Variants in SUMF1 observed in about 807,000 individuals in gnomAD.
SUMF1 encodes the protein formylglycine-generating enzyme.
In SUMF1, 48 loss-of-function variants were observed where a neutral mutation model predicts 47.6. That is an observed-to-expected ratio of 1.01 (90% CI 0.80 to 1.28). The LOEUF is 1.28. SUMF1 is among the 50% of genes most tolerant of loss of function. The probability of loss-of-function intolerance (pLI) is 0.00; values close to 1 mark genes in which losing one functional copy is unlikely to be tolerated. For missense variants in SUMF1, 571 were observed against 485.4 expected (o/e 1.18, Z -1.66); for synonymous variants, 230 against 192.1 (o/e 1.20, Z -1.63).
At chr3:4,459,989 G>T (rs1030647578) in intron 1 of SUMF1, among the ~76,000 whole-genome samples, 1 of 152,128 alleles carries the variant, frequency 6.6e-6, no homozygotes, top group Non-Finnish European at 1.5e-5. Flanking sequence ...TAAATTGTGG[G>T]CCTTCAATAA....
chr3:4,354,003 T>C (rs934866564), intron 8 of SUMF1, among the ~76,000 whole-genome samples: 4 of 152,126 alleles, frequency 2.6e-5, no homozygotes, highest in African/African-American at 9.7e-5. Context: ...TATAGGACTA[T>C]GCTACCATGC....
intron 8 of SUMF1, among the ~76,000 whole-genome samples, chr3:4,103,550 TC>T (rs1487182745): frequency 3.9e-5 from 6 of 152,118 alleles, no homozygotes; most frequent in Admixed American, 1.3e-4. Flanking sequence ...ATATTCTATC[TC>T]CCTTCTCGTA....
At chr3:4,398,590 C>T (rs1441061599) in intron 7 of SUMF1, among the ~76,000 whole-genome samples, 1 of 152,076 alleles carries the variant, frequency 6.6e-6, no homozygotes, top group East Asian at 1.9e-4. Flanking sequence ...AGCTCATTAA[C>T]AAGTCAGACG....
intron 8 of SUMF1, among the ~76,000 whole-genome samples, chr3:4,075,308 C>T (rs977835023): frequency 6.6e-6 from 1 of 152,056 alleles, no homozygotes; most frequent in African/African-American, 2.4e-5. Flanking sequence ...ATGCTAAAAA[C>T]TCTCAATAAA....
chr3:4,310,388 C>T (rs1351167010), intron 8 of SUMF1, among the ~76,000 whole-genome samples: 3 of 152,068 alleles, frequency 2.0e-5, no homozygotes, highest in Non-Finnish European at 4.4e-5. Flanking sequence ...TTTTTTAAGT[C>T]ATTATCATCT....
chr3:4,177,482 T>C (rs1230742418), intron 8 of SUMF1, among the ~76,000 whole-genome samples: 3 of 152,278 alleles, frequency 2.0e-5, no homozygotes, highest in African/African-American at 7.2e-5. Context: ...AGATGTTCTT[T>C]GAAACCAATG....
rs528753182 is a variant in SUMF1 at position 4,153,766 on chromosome 3, T to G, written c.1015-85021A>C. 9.2e-4 allele frequency among the ~76,000 whole-genome samples: 140 copies of G among 151,694 alleles called. 1 individual carries two copies. Among genetic ancestry groups the G allele is most frequent in the Non-Finnish European group, 1.4e-3 (97 of 68,000 alleles). On this transcript the variant is annotated intron_variant and NMD_transcript_variant, in intron 8 of 12. Transcript: ENST00000448413. ...AAACATATTCCATTTCTGTATGTTG[T>G]ATTCAGCAACATGATTGTATAGAAA...
At chr3:4,149,243 G>A in intron 8 of SUMF1, among the ~76,000 whole-genome samples, 1 of 152,076 alleles carries the variant, frequency 6.6e-6, no homozygotes, top group East Asian at 1.9e-4. Flanking sequence ...TAAATTAACA[G>A]CAATCATGTC....
intron 8 of SUMF1, among the ~76,000 whole-genome samples, chr3:4,295,710 T>C (rs895079941): frequency 2.6e-5 from 4 of 152,326 alleles, no homozygotes; most frequent in African/African-American, 2.4e-5. Context: ...TATAAATACA[T>C]AATACTCTTC....
intron 8 of SUMF1, among the ~76,000 whole-genome samples, chr3:4,089,737 G>A (rs1692744667): frequency 6.6e-6 from 1 of 152,110 alleles, no homozygotes; most frequent in South Asian, 2.1e-4. Context: ...TTTTAGCAAA[G>A]TCTTTCTGAC....
intron 8 of SUMF1, among the ~76,000 whole-genome samples, chr3:4,086,649 G>C (rs1018179888): frequency 6.6e-6 from 1 of 152,058 alleles, no homozygotes; most frequent in African/African-American, 2.4e-5. Flanking sequence ...TAATGAACTA[G>C]AAGTATGGTA....
At chr3:4,209,107 C>G (rs562119108) in intron 8 of SUMF1, among the ~76,000 whole-genome samples, 1 of 152,142 alleles carries the variant, frequency 6.6e-6, no homozygotes, top group Non-Finnish European at 1.5e-5. Flanking sequence ...GTTAAAACAT[C>G]TAGACCTGGC....
intron 7 of SUMF1, among the ~76,000 whole-genome samples, chr3:4,401,327 C>A (rs1575177475): frequency 6.6e-6 from 1 of 152,090 alleles, no homozygotes; most frequent in South Asian, 2.1e-4. Flanking sequence ...TGGGTATATA[C>A]CCAGTAATGG....
intron 8 of SUMF1, among the ~76,000 whole-genome samples, chr3:4,339,708 G>C (rs966476662): frequency 6.6e-6 from 1 of 152,128 alleles, no homozygotes; most frequent in African/African-American, 2.4e-5. Context: ...AGGACATCTG[G>C]GCAATGCACA....
chr3:4,206,473 T>C (rs139740126), intron 8 of SUMF1, among the ~76,000 whole-genome samples: 1 of 152,132 alleles, frequency 6.6e-6, no homozygotes, highest in South Asian at 2.1e-4. Flanking sequence ...TGCCCTTCAC[T>C]GTTACTGGGC....
chr3:4,126,487 T>G (rs1261192384), intron 8 of SUMF1, among the ~76,000 whole-genome samples: 1 of 152,106 alleles, frequency 6.6e-6, no homozygotes, highest in African/African-American at 2.4e-5. Flanking sequence ...CATCTTAGCC[T>G]CTAGACCATC....
At chr3:4,443,349 A>T (rs1702670567) in intron 3 of SUMF1, among the ~76,000 whole-genome samples, 1 of 152,182 alleles carries the variant, frequency 6.6e-6, no homozygotes, top group African/African-American at 2.4e-5. Flanking sequence ...AATAAATCAG[A>T]ATCCACAAAC....
chr3:4,076,861 A>G (rs1246680563), intron 8 of SUMF1, among the ~76,000 whole-genome samples: 1 of 151,908 alleles, frequency 6.6e-6, no homozygotes, highest in Non-Finnish European at 1.5e-5. Flanking sequence ...AAAATTAGAC[A>G]GGTGTGGTGG....
intron 8 of SUMF1, among the ~76,000 whole-genome samples, chr3:4,092,666 T>C (rs982836294): frequency 1.3e-5 from 2 of 152,120 alleles, no homozygotes; most frequent in Non-Finnish European, 2.9e-5. Flanking sequence ...ATAAAAGCAA[T>C]AATTCTTGTT....
Sources: allele counts gnomAD v4.1 joint callset (sites outside exome capture counted in the v4.1 genomes callset), GRCh38; gene constraint gnomAD v4.1.1; transcripts MANE v1.5; gene names NCBI Gene and HGNC (gene_info 2026-07-23, HGNC 2026-07-21).